Variants in TGM6 observed in about 807,000 individuals in gnomAD.
TGM6 encodes protein-glutamine gamma-glutamyltransferase 6.
TGM6 carries 74 observed loss-of-function variants against 77.5 expected under a neutral mutation model. That is an observed-to-expected ratio of 0.96 (90% CI 0.79 to 1.16). The LOEUF is 1.16. TGM6 is among the 50% of genes most tolerant of loss of function. The probability of loss-of-function intolerance (pLI) is 0.00; values close to 1 mark genes in which losing one functional copy is unlikely to be tolerated. For synonymous variants in TGM6, 383 were observed against 378.9 expected, an observed-to-expected ratio of 1.01 and a Z score of -0.12; for missense variants, 968 against 940.2, an observed-to-expected ratio of 1.03 and a Z score of -0.39.
At chr20:2,397,837 C>A in intron 4 of TGM6, 81 bp from the exon 5 acceptor site, 1 of 1,611,858 alleles carries the variant, frequency 6.2e-7, no homozygotes, top group Non-Finnish European at 8.5e-7. Flanking sequence ...GATGGGGTGA[C>A]TGACCGGGTG....
At chr20:2,416,322 GAA>G (rs2084816563) in intron 9 of TGM6, among the ~76,000 whole-genome samples, 1 of 152,108 alleles carries the variant, frequency 6.6e-6, no homozygotes. Context: ...ATAGATCAAA[GAA>G]ATTGAACTAA....
rs762694735 is a variant in TGM6 at position 2,398,062 on chromosome 20, A to G, written c.672+16A>G. 6.2e-7 allele frequency: 1 copy of G among 1,613,990 alleles called. No individual in the cohort carries two copies. The highest frequency in any genetic ancestry group is 8.5e-7 in the Non-Finnish European group (1 of 1,179,982). ...CAGTGCCATGGTGAGAAGCCCCTCC[A>G]TCCCTGCACATGTACTTCCTCAAGG... On this transcript the variant is annotated intron_variant, in intron 5 of 12. Coordinates refer to ENST00000202625, the MANE Select transcript of TGM6 (RefSeq NM_198994.3).
intron 10 of TGM6, among the ~76,000 whole-genome samples, chr20:2,426,266 T>C (rs2084887081): frequency 1.3e-5 from 2 of 152,142 alleles, no homozygotes. Flanking sequence ...GGTGCTAACA[T>C]AAGTGGTATT....
intron 1 of TGM6, among the ~76,000 whole-genome samples, chr20:2,389,049 C>T (rs930490358): frequency 6.6e-6 from 1 of 152,150 alleles, no homozygotes; most frequent in Non-Finnish European, 1.5e-5. Flanking sequence ...TCTCTTTGAA[C>T]CTACATAGGC....
At chr20:2,389,992 A>G (rs1474641366) in intron 1 of TGM6, among the ~76,000 whole-genome samples, 1 of 152,220 alleles carries the variant, frequency 6.6e-6, no homozygotes, top group Non-Finnish European at 1.5e-5. Flanking sequence ...ATACTCAGAC[A>G]TAGACTTGCC....
In TGM6 at chr20:2,417,260, C is replaced by A. The variant is rs200436564; in HGVS notation, c.1365C>A (p.Ser455Arg). 6 of 1,606,760 alleles carry A rather than the reference C, an allele frequency of 3.7e-6. No individual in the cohort carries two copies. In the East Asian group the frequency reaches 9.0e-5, roughly 24 times the overall value. ...EGSRKERQVYSKAVNRLFGVE... is the reference protein window; with the variant it reads ...EGSRKERQVYRKAVNRLFGVE... ...CCCGGAAAGAGAGGCAGGTGTACAG[C>A]AAGGCGGTGAACAGGCTGTTCGGCG... The change falls in exon 10 of 13, where the codon AGC (serine) becomes AGA (arginine). Residue 455 changes from serine (S) to arginine (R), a missense_variant. Transcript: ENST00000202625.
chr20:2,382,831 C>A (rs192970272), intron 1 of TGM6, among the ~76,000 whole-genome samples: 238 of 152,354 alleles, frequency 1.6e-3, no homozygotes, highest in African/African-American at 5.3e-3. Context: ...AGAGCTCTTC[C>A]CTCTGGAGCC....
chr20:2,403,218 C>CAT (rs1259395108), intron 7 of TGM6, among the ~76,000 whole-genome samples, 179 bp from the exon 8 acceptor site: 5 of 152,196 alleles, frequency 3.3e-5, no homozygotes, highest in African/African-American at 9.6e-5. Flanking sequence ...CACACATACA[C>CAT]ATATATATAC....
intron 9 of TGM6, among the ~76,000 whole-genome samples, chr20:2,409,651 G>A (rs2084772836): frequency 6.6e-6 from 1 of 151,858 alleles, no homozygotes; most frequent in Non-Finnish European, 1.5e-5. Context: ...GGCGGAGGTT[G>A]CAGTGAGCCG....
At chr20:2,391,432 G>A (rs959803870) in intron 1 of TGM6, among the ~76,000 whole-genome samples, 39 of 151,926 alleles carry the variant, frequency 2.6e-4, no homozygotes, top group South Asian at 2.1e-3. Context: ...AGATATGTGC[G>A]ACGTCGGGGC....
intron 3 of TGM6, among the ~76,000 whole-genome samples, chr20:2,396,175 T>A (rs374964135): frequency 3.6e-5 from 3 of 83,400 alleles, no homozygotes; most frequent in Non-Finnish European, 7.4e-5. Context: ...AGCAAAACTC[T>A]ATCTCAAAAA....
Position 2,403,464 on chromosome 20 carries a change from C to A in TGM6, c.1057C>A (p.Gln353Lys). The change falls in exon 8 of 13, where the codon CAG becomes AAG. Residue 353 changes from glutamine to lysine, a missense_variant. Coordinates refer to ENST00000202625, the MANE Select transcript of TGM6 (RefSeq NM_198994.3). ...QDLGPSYNGW[Q>K]VLDATPQEES... ...CCTAGGCCCCTCTTACAATGGCTGG[C>A]AGGTTCTGGATGCCACCCCCCAGGA... is the stretch of plus-strand genomic sequence containing the variant. 1 of 1,614,170 alleles carries A rather than the reference C, an allele frequency of 6.2e-7. No individual in the cohort carries two copies. The highest frequency in any genetic ancestry group is 8.5e-7 in the Non-Finnish European group (1 of 1,180,038).
Position 2,430,911 on chromosome 20 carries a change from G to T in TGM6, c.1851G>T (p.Met617Ile). 1.2e-6 allele frequency: 2 copies of T among 1,614,176 alleles called. No homozygotes were observed. The highest frequency in any genetic ancestry group is 1.7e-6 in the Non-Finnish European group (2 of 1,180,024). Residue 617 changes from methionine to isoleucine, a missense_variant, in exon 12 of 13, where the codon ATG (methionine) becomes ATT (isoleucine). Physicochemically the swap from Met to Ile is conservative, Grantham distance 10 (BLOSUM62 1). Transcript: ENST00000202625. ...CCCTTCAGGTTCTGGGCCCAGCCATGGTGGGAGTGGCAGTTACAGTGGAAG... is the reference window on the plus strand; with the variant it reads ...CCCTTCAGGTTCTGGGCCCAGCCATTGTGGGAGTGGCAGTTACAGTGGAAG... ...FITIKVLGPAMVGVAVTVEVT... is the reference protein window; with the variant it reads ...FITIKVLGPAIVGVAVTVEVT...
chr20:2,397,795 TG>T lies in TGM6; in HGVS notation c.544-121del. On this transcript the variant is annotated intron_variant, in intron 4 of 12. Transcript: ENST00000202625. ...AGGGGGTGCTCTGTGATGCCCCTGGTGGTTGGAGGGGGCAGCAAACTGCCCT... is the reference window on the plus strand; with the variant it reads ...AGGGGGTGCTCTGTGATGCCCCTGGTGTTGGAGGGGGCAGCAAACTGCCCT... 5 of 1,500,410 alleles carry T rather than the reference TG, an allele frequency of 3.3e-6. No individual in the cohort carries two copies. The African/African-American group carries it at 6.9e-5, about 21-fold the overall frequency. 92.9% of individuals were successfully genotyped at this position (1,500,410 alleles called of 1,614,324 possible).
intron 10 of TGM6, among the ~76,000 whole-genome samples, chr20:2,419,626 T>C (rs1342433846): frequency 2.6e-5 from 4 of 152,350 alleles, no homozygotes; most frequent in Non-Finnish European, 4.4e-5. Flanking sequence ...TGTTTGCTTT[T>C]TGAAAAACAG....
intron 1 of TGM6, among the ~76,000 whole-genome samples, chr20:2,393,215 T>C (rs1367782144): frequency 1.3e-5 from 2 of 152,280 alleles, no homozygotes; most frequent in African/African-American, 4.8e-5. Flanking sequence ...TCACCTGACC[T>C]GACATGCATA....
At chr20:2,402,889 C>G (rs955414079) in intron 7 of TGM6, among the ~76,000 whole-genome samples, 1 of 152,234 alleles carries the variant, frequency 6.6e-6, no homozygotes, top group Non-Finnish European at 1.5e-5. Context: ...TCTTGTCTCA[C>G]TTAGGACCTT....
At chr20:2,428,811 C>G (rs1473607052) in intron 10 of TGM6, among the ~76,000 whole-genome samples, 1 of 152,014 alleles carries the variant, frequency 6.6e-6, no homozygotes, top group African/African-American at 2.4e-5. Context: ...TAAAACTTAG[C>G]TTTTATAATT....
At chr20:2,426,956 G>T (rs2084891968) in intron 10 of TGM6, among the ~76,000 whole-genome samples, 1 of 152,042 alleles carries the variant, frequency 6.6e-6, no homozygotes, top group African/African-American at 2.4e-5. Flanking sequence ...CTGTAGTTTT[G>T]TTTTTCTTGC....
Sources: allele counts gnomAD v4.1 joint callset (sites outside exome capture counted in the v4.1 genomes callset), GRCh38; gene constraint gnomAD v4.1.1; transcripts MANE v1.5; gene names NCBI Gene and HGNC (gene_info 2026-07-23, HGNC 2026-07-21).